The following NLRP3 variants were observed in gnomAD, a reference collection of about 807,000 sequenced individuals.
NLRP3 encodes NLR family pyrin domain containing 3.
In NLRP3, 48 loss-of-function variants were observed where a neutral mutation model predicts 91.3. The observed-to-expected ratio is 0.53, with a 90% CI of 0.42 to 0.67. NLRP3 has a LOEUF of 0.67. Ranked by LOEUF, NLRP3 falls within the 30% of genes least tolerant of loss-of-function variation. NLRP3 has a pLI of 0.00. For missense variants in NLRP3, 982 were observed against 1,276.9 expected, an observed-to-expected ratio of 0.77 and a Z score of 3.52; for synonymous variants, 561 against 507.9, an observed-to-expected ratio of 1.10 and a Z score of -1.41.
At chr1:247,445,751 T>A (rs12745606) in intron 9 of NLRP3, among the ~76,000 whole-genome samples, 2,911 of 152,292 alleles carry the variant, frequency 0.019, 35 homozygotes, top group Middle Eastern at 0.041. Flanking sequence ...TTTCTCCTAT[T>A]TCATCAGATC....
In NLRP3 at chr1:247,423,830, T is replaced by C; in HGVS notation, c.398-17T>C. On this transcript the variant is annotated splice_polypyrimidine_tract_variant and intron_variant, in intron 3 of 9. Transcript: ENST00000336119. ...ATGTGTGTATACTTTCCCCCTAACT[T>C]CCTGTCTTTGCCGTAGATTACCGTA... 1.2e-6 allele frequency: 2 copies of C among 1,611,990 alleles called. No homozygotes were observed. The highest frequency in any genetic ancestry group is 1.3e-5 in the African/African-American group (1 of 74,890).
chr1:247,441,973 C>T (rs1422487916), intron 7 of NLRP3, among the ~76,000 whole-genome samples: 2 of 152,224 alleles, frequency 1.3e-5, no homozygotes, highest in Non-Finnish European at 2.9e-5. Flanking sequence ...TCTTTGAAGA[C>T]CATCCCCATT....
At chr1:247,428,297 C>A (rs1415032130) in intron 4 of NLRP3, among the ~76,000 whole-genome samples, 2 of 152,196 alleles carry the variant, frequency 1.3e-5, no homozygotes, top group Non-Finnish European at 2.9e-5. Flanking sequence ...GGCTCAGCAC[C>A]CATCTTTCTA....
At position 247,444,719 on chromosome 1, in the gene NLRP3, G is replaced by A; in HGVS notation, c.2903G>A (p.Ser968Asn). The A allele has an allele frequency of 6.2e-7, 1 of 1,614,116 alleles. No individual in the cohort carries two copies. The highest frequency in any genetic ancestry group is 8.5e-7 in the Non-Finnish European group (1 of 1,180,018). The change falls in exon 9 of 10, where the codon AGC (serine) becomes AAC (asparagine). Residue 968 changes from serine to asparagine, a missense_variant. Physicochemically the swap from Ser to Asn is conservative, Grantham distance 46. Around this residue, in one of 5 missense-constraint regions of NLRP3, gnomAD observed 373 missense variants for 431.5 expected, o/e 0.86. Transcript: ENST00000336119. The part of the protein sequence containing the change: ...DLSTLLTSSQ[S>N]LRKLSLGNND... ...TCCACACTTCTGACCTCCAGCCAGA[G>A]CCTGCGAAAGCTGAGCCTGGGCAAC...
chr1:247,424,820 G>A lies in NLRP3; in HGVS notation c.1371G>A (p.Glu457=), dbSNP rs191754224. 1 of 1,608,296 alleles carries A rather than the reference G, an allele frequency of 6.2e-7. No homozygotes were observed. Residue 457 remains glutamate (E), a synonymous_variant, in exon 4 of 10, where the codon GAG becomes GAA. Coordinates refer to ENST00000336119, the MANE Select transcript of NLRP3 (RefSeq NM_001243133.2). The surrounding 1 kb of genome is among the most constrained non-coding windows in gnomAD (Gnocchi z 8.1). ...SLLQPRGGSQ[E]HGLCAHLWGL... ...TGCAGCCCCGGGGAGGGAGCCAGGA[G>A]CACGGCCTCTGCGCCCACCTCTGGG...
chr1:247,422,009 A>G (rs1662494419), intron 2 of NLRP3, among the ~76,000 whole-genome samples: 1 of 152,174 alleles, frequency 6.6e-6, no homozygotes, highest in South Asian at 2.1e-4. Context: ...TTAAAAAAAA[A>G]GAATAAGATT....
In NLRP3 at chr1:247,444,739, G is replaced by T; in HGVS notation, c.2923G>T (p.Gly975Cys). 1 of 1,614,110 alleles carries T rather than the reference G, an allele frequency of 6.2e-7. No individual in the cohort carries two copies. The change falls in exon 9 of 10, where the codon GGC (glycine) becomes TGC (cysteine). Residue 975 changes from glycine to cysteine, a missense_variant. Around this residue, in one of 5 missense-constraint regions of NLRP3, gnomAD observed 373 missense variants for 431.5 expected, o/e 0.86. Transcript: ENST00000336119. ...SSQSLRKLSL[G>C]NNDLGDLGVM... ...CCAGAGCCTGCGAAAGCTGAGCCTG[G>T]GCAACAATGACCTGGGCGACCTGGG...
chr1:247,435,569 G>T (rs1663727311), intron 6 of NLRP3, among the ~76,000 whole-genome samples: 2 of 152,166 alleles, frequency 1.3e-5, no homozygotes, highest in African/African-American at 4.8e-5. Flanking sequence ...AGGGCGGAGA[G>T]TGGGAAGACA....
intron 5 of NLRP3, among the ~76,000 whole-genome samples, chr1:247,431,641 C>T (rs374956305): frequency 1.3e-4 from 20 of 152,286 alleles, no homozygotes; most frequent in Non-Finnish European, 2.5e-4. Context: ...GTCAAAAGCA[C>T]GCACTGAATG....
chr1:247,443,201 G>A (rs375019713), intron 7 of NLRP3, among the ~76,000 whole-genome samples: 3 of 152,112 alleles, frequency 2.0e-5, no homozygotes, highest in East Asian at 3.9e-4. Context: ...AAAGTGCTGG[G>A]ATTACAGGCA....
chr1:247,425,115 G>A lies in NLRP3; in HGVS notation c.1666G>A (p.Val556Met), dbSNP rs199637520. 25 of 1,614,060 alleles carry A rather than the reference G, an allele frequency of 1.5e-5. No individual in the cohort carries two copies. Among genetic ancestry groups the A allele is most frequent in the African/African-American group, 2.7e-5 (2 of 74,928 alleles). ...TCGTTTGAAGCTTCCCAGCCGAGAC[G>A]TGACAGTCCTTCTGGAAAACTATGG... Reference protein sequence around the residue: ...GSRLKLPSRDVTVLLENYGKF... With the variant: ...GSRLKLPSRDMTVLLENYGKF... Residue 556 changes from valine to methionine, a missense_variant, in exon 4 of 10, where the codon GTG becomes ATG. Transcript: ENST00000336119. The surrounding 1 kb of genome is among the most constrained non-coding windows in gnomAD (Gnocchi z 4.1).
chr1:247,435,828 A>G (rs1285473183), intron 6 of NLRP3, 142 bp from the exon 7 acceptor site: 17 of 774,494 alleles, frequency 2.2e-5, no homozygotes, highest in Non-Finnish European at 3.6e-5. Context: ...GGAAAAGGAA[A>G]TCAGAAGTGT....
rs1162803038 is a variant in NLRP3, at chr1:247,424,446, C to A, written c.997C>A (p.Leu333Ile). 6 of 1,614,194 alleles carry A rather than the reference C, an allele frequency of 3.7e-6. No individual in the cohort carries two copies. In the Admixed American group the frequency reaches 8.3e-5, roughly 22 times the overall value. The change falls in exon 4 of 10, where the codon CTC becomes ATC. Residue 333 changes from leucine (L) to isoleucine (I), a missense_variant. By Grantham distance (5) the Leu-to-Ile change is conservative. This residue lies in a region of NLRP3 where 548 missense variants were observed against 713.7 expected (regional missense o/e 0.77). Coordinates refer to ENST00000336119, the MANE Select transcript of NLRP3 (RefSeq NM_001243133.2). The surrounding 1 kb of genome is among the most constrained non-coding windows in gnomAD (Gnocchi z 8.1). ...GCGGGGAGACATTCTCCTGAGCAGC[C>A]TCATCAGAAAGAAGCTGCTTCCCGA... ...AERGDILLSS[L>I]IRKKLLPEAS... is the part of the protein sequence containing the mutation.
chr1:247,436,284 T>G (rs1663786052), intron 7 of NLRP3, 144 bp downstream of exon 7: 1 of 745,718 alleles, frequency 1.3e-6, no homozygotes, highest in Non-Finnish European at 2.3e-6. Flanking sequence ...TTTGAAGGAC[T>G]GGAGGCATAT....
At chr1:247,444,252 T>G (rs1226399032) in intron 8 of NLRP3, 110 bp downstream of exon 8, 24 of 1,152,746 alleles carry the variant, frequency 2.1e-5, no homozygotes, top group Non-Finnish European at 3.1e-5. Context: ...TGAGGTGTCT[T>G]CTTAGTGTTT....
intron 4 of NLRP3, among the ~76,000 whole-genome samples, chr1:247,428,402 G>T (rs1558195583): frequency 6.6e-6 from 1 of 152,242 alleles, no homozygotes; most frequent in African/African-American, 2.4e-5. Context: ...AGAAATGCAG[G>T]ATTGTGGACC....
intron 4 of NLRP3, among the ~76,000 whole-genome samples, chr1:247,426,824 C>T (rs1475901539): frequency 6.6e-6 from 1 of 152,152 alleles, no homozygotes; most frequent in African/African-American, 2.4e-5. Flanking sequence ...GGTGTCCCCG[C>T]TCAGCCAGCT....
chr1:247,427,601 A>C (rs553304015), intron 4 of NLRP3, among the ~76,000 whole-genome samples: 187 of 150,970 alleles, frequency 1.2e-3, no homozygotes, highest in African/African-American at 4.3e-3. Context: ...CCTTACTCTG[A>C]GGACAGACTC....
rs1449719967 is a variant in NLRP3 at position 247,448,518 on chromosome 1, G to A, written c.*14G>A. The A allele has an allele frequency of 2.0e-6, 3 of 1,512,390 alleles. No homozygotes were observed. The highest frequency in any genetic ancestry group is 2.7e-5 in the African/African-American group (2 of 72,884). 93.7% of individuals were successfully genotyped at this position (1,512,390 alleles called of 1,614,324 possible). On this transcript the variant is annotated 3_prime_UTR_variant, in exon 10 of 10. Transcript: ENST00000336119. ...CCTTCTTGGTAGGAGTGGAAACGGG[G>A]CTGCCAGACGCCAGTGTTCTCCGGT...
Sources: gnomAD v4.1 joint callset for allele counts (sites outside exome capture counted in the v4.1 genomes callset) on GRCh38, gnomAD v4.1.1 for gene constraint, gnomAD v4.1.1 regional missense constraint, Gnocchi (gnomAD v3.1) non-coding constraint, MANE v1.5 for transcripts, NCBI Gene and HGNC (gene_info 2026-07-23, HGNC 2026-07-21) for gene names.